RAD50: variants seen among roughly 807,000 people sequenced by gnomAD.
The protein encoded by RAD50 is RAD50 double strand break repair protein.
RAD50 carries 132 observed loss-of-function variants against 168.8 expected under a neutral mutation model. The ratio of observed to expected loss-of-function variants is 0.78; its 90% CI spans 0.68 to 0.90. The LOEUF (loss-of-function observed/expected upper bound fraction) is 0.90, where lower values mean the gene tolerates loss of function less well. RAD50 is among the 40% of genes least tolerant of loss of function. The pLI, the probability that RAD50 is intolerant of heterozygous loss-of-function variation, is 0.00. For missense variants in RAD50, 1,347 were observed against 1,534.4 expected (o/e 0.88, Z 2.04); for synonymous variants, 525 against 497.4 (o/e 1.06, Z -0.74).
Position 132,642,400 on chromosome 5 carries a change from T to A in RAD50, c.*36T>A, listed in dbSNP as rs1381678328. 6.4e-7 allele frequency: 1 copy of A among 1,564,878 alleles called. No individual in the cohort carries two copies. The highest frequency in any genetic ancestry group is 1.1e-5 in the South Asian group (1 of 89,228). On this transcript the variant is annotated 3_prime_UTR_variant, in exon 25 of 25. Transcript: ENST00000378823. Reference sequence around the variant, plus strand: ...GATTTAAATGCCATAGAAATGTAGGTCCTCAGAAAGTGTATAATAAGAAAC... The same window carrying A: ...GATTTAAATGCCATAGAAATGTAGGACCTCAGAAAGTGTATAATAAGAAAC...
At chr5:132,586,755 C>T (rs1284453609) in intron 5 of RAD50, among the ~76,000 whole-genome samples, 1 of 152,076 alleles carries the variant, frequency 6.6e-6, no homozygotes, top group African/African-American at 2.4e-5. Context: ...GTCTCAGCTA[C>T]TTGGAGGCTG....
chr5:132,561,987 C>T (rs1021110503), intron 2 of RAD50, among the ~76,000 whole-genome samples: 1 of 152,202 alleles, frequency 6.6e-6, no homozygotes, highest in Non-Finnish European at 1.5e-5. Flanking sequence ...TTGAAGCTCT[C>T]TCTTTCTCAC....
At chr5:132,590,617 C>A (rs1249959509) in intron 9 of RAD50, among the ~76,000 whole-genome samples, 1 of 152,164 alleles carries the variant, frequency 6.6e-6, no homozygotes, top group Non-Finnish European at 1.5e-5. Flanking sequence ...TCAGGTATTT[C>A]CATATTTTCT....
chr5:132,608,523 A>G, intron 16 of RAD50, 92 bp from the exon 17 acceptor site: 2 of 1,135,224 alleles, frequency 1.8e-6, no homozygotes, highest in Non-Finnish European at 2.5e-6. Context: ...AGCCTGGCAC[A>G]TAGAAAGTGC....
chr5:132,557,234 C>G lies in RAD50; in HGVS notation c.-91C>G. 5 of 1,527,744 alleles carry G rather than the reference C, an allele frequency of 3.3e-6. No individual in the cohort carries two copies. The highest frequency in any genetic ancestry group is 4.5e-6 in the Non-Finnish European group (5 of 1,102,362). The allele number at this position is 1,527,744 out of a possible 1,614,324, so 94.6% of individuals were successfully genotyped here. ...CGGATCCTCCTGACCCTGAGATTCG[C>G]GGGTCTCACGTCCCGTGCACGCCTT... On this transcript the variant is annotated 5_prime_UTR_variant, in exon 1 of 25. Transcript: ENST00000378823.
At chr5:132,613,662 G>A (rs963502461) in intron 19 of RAD50, among the ~76,000 whole-genome samples, 5 of 145,840 alleles carry the variant, frequency 3.4e-5, no homozygotes, top group African/African-American at 5.2e-5. Flanking sequence ...GGAGTGCAGT[G>A]GCACAATCTC....
chr5:132,621,215 C>T (rs11955168), intron 21 of RAD50, among the ~76,000 whole-genome samples: 5,844 of 152,164 alleles, frequency 0.038, 407 homozygotes, highest in East Asian at 0.32. Flanking sequence ...CAGCTTCTAC[C>T]CCAGACCTCG....
chr5:132,624,674 G>A (rs1373276535), intron 21 of RAD50, among the ~76,000 whole-genome samples: 2 of 151,980 alleles, frequency 1.3e-5, no homozygotes, highest in Non-Finnish European at 2.9e-5. Context: ...CAAAGTGGGT[G>A]GATTGCTTAA....
chr5:132,610,418 TA>T (rs1186130166), intron 19 of RAD50, among the ~76,000 whole-genome samples: 1 of 152,192 alleles, frequency 6.6e-6, no homozygotes, highest in African/African-American at 2.4e-5. Flanking sequence ...TTAAAGAAAT[TA>T]ATTTCTATAG....
chr5:132,567,806 T>TA (rs1209543855), intron 2 of RAD50, among the ~76,000 whole-genome samples: 2 of 152,152 alleles, frequency 1.3e-5, no homozygotes, highest in Non-Finnish European at 2.9e-5. Context: ...ACCTAACAAA[T>TA]ACTGAAACCA....
At chr5:132,578,071 C>A (rs751374241) in intron 3 of RAD50, among the ~76,000 whole-genome samples, 14 of 152,174 alleles carry the variant, frequency 9.2e-5, no homozygotes, top group Non-Finnish European at 1.6e-4. Flanking sequence ...CCTCAGCCTC[C>A]CAAAGTGCTG....
chr5:132,610,279 CAT>C (rs1297335916), intron 19 of RAD50, among the ~76,000 whole-genome samples: 3 of 152,000 alleles, frequency 2.0e-5, no homozygotes, highest in African/African-American at 7.2e-5. Flanking sequence ...CTTATTCTAA[CAT>C]ATCTTTATGT....
intron 21 of RAD50, among the ~76,000 whole-genome samples, chr5:132,628,647 A>G (rs762400052): frequency 7.2e-5 from 11 of 152,072 alleles, no homozygotes; most frequent in Non-Finnish European, 1.3e-4. Context: ...GGAGTTCGAG[A>G]CCAGCCTGAC....
In RAD50 at chr5:132,595,323, TAGAA is replaced by T. The variant is rs561258389; in HGVS notation, c.1970-247_1970-244del. The T allele has an allele frequency of 5.1e-5, 27 of 527,408 alleles. No homozygotes were observed. The South Asian group carries it at 7.3e-4, about 14-fold the overall frequency. 32.7% of individuals were successfully genotyped at this position (527,408 alleles called of 1,614,324 possible). A position where few individuals can be genotyped will look rare whatever the true frequency, so the allele number is the denominator to read the frequency against. On this transcript the variant is annotated intron_variant, in intron 12 of 24. Transcript: ENST00000378823. ...AGCCCTTAGAACAGTGCCTGGCACA[TAGAA>T]AGCTCTCAGTAGGCATTTTGTTATA... is the stretch of plus-strand genomic sequence containing the variant.
intron 6 of RAD50, 27 bp downstream of exon 6, chr5:132,587,717 C>A: frequency 8.7e-6 from 14 of 1,613,084 alleles, no homozygotes; most frequent in Non-Finnish European, 1.2e-5. Context: ...TTTTGTTCTG[C>A]TTCAAAATTT....
intron 21 of RAD50, among the ~76,000 whole-genome samples, chr5:132,627,443 C>A (rs777293561): frequency 1.3e-5 from 2 of 152,050 alleles, no homozygotes; most frequent in Non-Finnish European, 2.9e-5. Context: ...GTAGGTATTA[C>A]AGTGAAAATG....
chr5:132,603,625 C>T, intron 14 of RAD50, 136 bp downstream of exon 14: 1 of 1,031,040 alleles, frequency 9.7e-7, no homozygotes, highest in Non-Finnish European at 1.5e-6. Flanking sequence ...TTTCAGATAC[C>T]CTCAGGGAGA....
intron 3 of RAD50, among the ~76,000 whole-genome samples, chr5:132,579,116 T>G (rs1045991437): frequency 9.9e-5 from 15 of 152,212 alleles, no homozygotes; most frequent in African/African-American, 3.6e-4. Context: ...TGAACTACTT[T>G]GTTTTACATA....
Position 132,644,370 on chromosome 5 carries a change from C to G in RAD50, c.*2006C>G, listed in dbSNP as rs927826355. The G allele has an allele frequency of 5.8e-6, 1 of 171,410 alleles. No homozygotes were observed. Among genetic ancestry groups the G allele is most frequent in the Non-Finnish European group, 1.3e-5 (1 of 79,014 alleles). 10.6% of individuals were successfully genotyped at this position (171,410 alleles called of 1,614,324 possible). A position where few individuals can be genotyped will look rare whatever the true frequency, so the allele number is the denominator to read the frequency against. On this transcript the variant is annotated 3_prime_UTR_variant, in exon 25 of 25. Coordinates refer to ENST00000378823, the MANE Select transcript of RAD50 (RefSeq NM_005732.4). ...TCCCCACATTGGAATGAATAGCCAT[C>G]ACAGCATGGATGGAGGTTAGAATGA...
Sources: allele counts gnomAD v4.1 joint callset (sites outside exome capture counted in the v4.1 genomes callset), GRCh38; gene constraint gnomAD v4.1.1; transcripts MANE v1.5; gene names NCBI Gene and HGNC (gene_info 2026-07-23, HGNC 2026-07-21).